TPRG1: variants seen among roughly 807,000 people sequenced by gnomAD.
The protein encoded by TPRG1 is tumor protein p63-regulated gene 1 protein.
TPRG1 carries 29 observed loss-of-function variants against 29.3 expected under a neutral mutation model. That is an observed-to-expected ratio of 0.99 (90% CI 0.74 to 1.35). TPRG1 has a LOEUF of 1.35. Among genes scored for constraint, TPRG1 ranks in the 40% most tolerant of loss-of-function variants. The pLI, the probability that TPRG1 is intolerant of heterozygous loss-of-function variation, is 0.00. For missense variants in TPRG1, 327 were observed against 335.0 expected (o/e 0.98, Z 0.19); for synonymous variants, 130 against 116.8 (o/e 1.11, Z -0.73).
chr3:189,123,068 C>G (rs537613504), intron 1 of TPRG1, among the ~76,000 whole-genome samples: 99 of 152,286 alleles, frequency 6.5e-4, no homozygotes, highest in African/African-American at 1.9e-3. Flanking sequence ...TCACTTCAGT[C>G]CAGTGGTGTT....
intron 4 of TPRG1, among the ~76,000 whole-genome samples, chr3:189,305,316 T>C (rs1721456576): frequency 1.3e-5 from 2 of 152,220 alleles, no homozygotes; most frequent in African/African-American, 4.8e-5. Flanking sequence ...GCATATTTTC[T>C]AGCTCAGCTA....
chr3:189,312,093 CTTTGTTTCTTTGTTTCTTTCTTTGTT>C (rs764800835), intron 5 of TPRG1, among the ~76,000 whole-genome samples: 9,363 of 92,936 alleles, frequency 0.1, 1,251 homozygotes, highest in Middle Eastern at 0.16. Context: ...TTCTTTCTTT[CTTTGTTTCTTTGTTTCTTTCTTTGTT>C]TCTTTCTTTC....
chr3:189,176,139 A>G (rs1363895163), intron 1 of TPRG1, among the ~76,000 whole-genome samples: 1 of 152,140 alleles, frequency 6.6e-6, no homozygotes. Flanking sequence ...ACAACTCCAA[A>G]CCCCAAGGTA....
rs1235982899 is a variant in TPRG1, at chr3:189,313,182, CT to C, written c.633+2646del. The stretch of plus-strand genomic sequence containing the variant: ...CATCTGGAATGTGAGAGGATGAGTA[CT>C]TTGATCCAGGTTTTTGTGTCTTATT... On this transcript the variant is annotated intron_variant, in intron 5 of 5. Transcript: ENST00000345063. 11 of 152,112 alleles carry C rather than the reference CT, an allele frequency of 7.2e-5. No individual in the cohort carries two copies. The East Asian group carries it at 1.9e-3, about 27-fold the overall frequency. 9.4% of individuals were successfully genotyped at this position (152,112 alleles called of 1,614,324 possible).
At chr3:189,089,486 G>A (rs1394637104) in intron 4 of TPRG1, among the ~76,000 whole-genome samples, 1 of 152,056 alleles carries the variant, frequency 6.6e-6, no homozygotes, top group Non-Finnish European at 1.5e-5. Context: ...TGCTTATCAT[G>A]AAATATCTGG....
At chr3:189,102,794 T>G (rs1445479571) in intron 1 of TPRG1, among the ~76,000 whole-genome samples, 2 of 152,210 alleles carry the variant, frequency 1.3e-5, no homozygotes, top group African/African-American at 4.8e-5. Context: ...GCTTTTGTGC[T>G]TCATCATGTT....
At chr3:189,016,541 AG>A (rs2152123632) in intron 3 of TPRG1, among the ~76,000 whole-genome samples, 1 of 152,092 alleles carries the variant, frequency 6.6e-6, no homozygotes, top group South Asian at 2.1e-4. Flanking sequence ...GAGATTCGGG[AG>A]GGGCTGGGAT....
intron 4 of TPRG1, among the ~76,000 whole-genome samples, chr3:189,026,287 G>C: frequency 6.6e-6 from 1 of 152,230 alleles, no homozygotes; most frequent in East Asian, 1.9e-4. Flanking sequence ...CAGAGAGAGA[G>C]AGTGAGCTCT....
intron 3 of TPRG1, among the ~76,000 whole-genome samples, chr3:189,226,915 G>A (rs1204457730): frequency 6.6e-6 from 1 of 151,736 alleles, no homozygotes; most frequent in Admixed American, 6.6e-5. Flanking sequence ...GAGACAATAA[G>A]GGATTATAGC....
intron 5 of TPRG1, among the ~76,000 whole-genome samples, chr3:189,152,966 C>A (rs141839951): frequency 6.6e-6 from 1 of 152,150 alleles, no homozygotes; most frequent in South Asian, 2.1e-4. Context: ...TGCTACCCGC[C>A]GTTATTTGCA....
chr3:189,114,690 A>T (rs1017962871), intron 1 of TPRG1, among the ~76,000 whole-genome samples: 1 of 152,184 alleles, frequency 6.6e-6, no homozygotes, highest in African/African-American at 2.4e-5. Flanking sequence ...CTAATACTAG[A>T]TGCAGGCTTG....
At chr3:189,288,050 G>A (rs1288787282) in intron 4 of TPRG1, among the ~76,000 whole-genome samples, 1 of 151,054 alleles carries the variant, frequency 6.6e-6, no homozygotes, top group African/African-American at 2.5e-5. Context: ...CTGAGACAGT[G>A]AGAGAGAAAA....
intron 1 of TPRG1, among the ~76,000 whole-genome samples, chr3:189,103,362 T>C (rs1719427583): frequency 6.6e-6 from 1 of 152,126 alleles, no homozygotes; most frequent in Non-Finnish European, 1.5e-5. Flanking sequence ...TTACTGTGCA[T>C]CACTATTACA....
intron 3 of TPRG1, among the ~76,000 whole-genome samples, chr3:189,218,412 G>T (rs780760749): frequency 1.3e-5 from 2 of 152,036 alleles, no homozygotes; most frequent in Admixed American, 1.3e-4. Context: ...CATCGCGCCC[G>T]GCCGAGATTC....
At chr3:189,134,455 C>A (rs1723495299) in intron 3 of TPRG1, among the ~76,000 whole-genome samples, 1 of 141,660 alleles carries the variant, frequency 7.1e-6, no homozygotes, top group Admixed American at 7.2e-5. Flanking sequence ...CTTTGTTGCC[C>A]AGGATGGAGC....
chr3:189,236,681 T>A (rs1193690508), intron 3 of TPRG1, among the ~76,000 whole-genome samples: 1 of 152,224 alleles, frequency 6.6e-6, no homozygotes, highest in Non-Finnish European at 1.5e-5. Context: ...TGGTAAGATA[T>A]AGAACTAATA....
At chr3:189,110,025 G>C (rs1037601208) in intron 1 of TPRG1, among the ~76,000 whole-genome samples, 1 of 152,126 alleles carries the variant, frequency 6.6e-6, no homozygotes, top group Non-Finnish European at 1.5e-5. Context: ...TTGTATGTAT[G>C]TACCACAGTT....
rs747440640 is a variant in TPRG1 at position 189,238,873 on chromosome 3, T to A, written c.443T>A (p.Leu148Gln). The stretch of plus-strand genomic sequence containing the variant: ...CTGAGCGCTGTCTATCGCATCTGCC[T>A]GGGCAAGTTCACCTTCCCTGGGATG... ...IPLSAVYRICLGKFTFPGMSL... is the reference protein window; with the variant it reads ...IPLSAVYRICQGKFTFPGMSL... Residue 148 changes from leucine to glutamine, a missense_variant, in exon 4 of 6, where the codon CTG (leucine) becomes CAG (glutamine). Leu to Gln is a moderately radical substitution (Grantham distance 113). Transcript: ENST00000345063. 6.2e-7 allele frequency: 1 copy of A among 1,613,406 alleles called. No individual in the cohort carries two copies. Among genetic ancestry groups the A allele is most frequent in the Admixed American group, 1.7e-5 (1 of 59,954 alleles).
At chr3:189,204,945 T>TCACACA (rs1206636743) in intron 1 of TPRG1, among the ~76,000 whole-genome samples, 1,275 of 92,654 alleles carry the variant, frequency 0.014, 18 homozygotes, top group African/African-American at 0.043. Context: ...TCTCTCTCTC[T>TCACACA]CTCACACACA....
Sources: gnomAD v4.1 joint callset for allele counts (sites outside exome capture counted in the v4.1 genomes callset) on GRCh38, gnomAD v4.1.1 for gene constraint, MANE v1.5 for transcripts, NCBI Gene and HGNC (gene_info 2026-07-23, HGNC 2026-07-21) for gene names.